Variants in TFDP2 observed in about 807,000 individuals in gnomAD.
TFDP2 encodes transcription factor Dp-2, also known as transcription factor Dp-2 (E2F dimerization partner 2).
A neutral mutation model predicts 59.3 loss-of-function variants in TFDP2; 17 were observed. The ratio of observed to expected loss-of-function variants is 0.29; its 90% CI spans 0.20 to 0.43. The LOEUF (loss-of-function observed/expected upper bound fraction) is 0.43. TFDP2 is among the 20% of genes least tolerant of loss of function. TFDP2 has a pLI of 1.00. For missense variants in TFDP2, 391 were observed against 528.8 expected, an observed-to-expected ratio of 0.74 and a Z score of 2.56; for synonymous variants, 180 against 194.7, an observed-to-expected ratio of 0.92 and a Z score of 0.63.
chr3:142,064,107 C>T (rs2060001497), intron 3 of TFDP2, among the ~76,000 whole-genome samples: 1 of 152,142 alleles, frequency 6.6e-6, no homozygotes, highest in South Asian at 2.1e-4. Flanking sequence ...GCCTGTGCCA[C>T]CACATCCAGG....
intron 3 of TFDP2, among the ~76,000 whole-genome samples, chr3:142,045,697 C>T (rs574401187): frequency 6.6e-6 from 1 of 151,412 alleles, no homozygotes; most frequent in South Asian, 2.1e-4. Flanking sequence ...ACTGCAACCT[C>T]CGCCTCCCGG....
At chr3:142,059,450 T>C (rs1351446362) in intron 3 of TFDP2, among the ~76,000 whole-genome samples, 1 of 152,264 alleles carries the variant, frequency 6.6e-6, no homozygotes, top group Non-Finnish European at 1.5e-5. Context: ...CTGTCTTTTC[T>C]AATACCACAC....
At chr3:142,131,441 G>T (rs568427213) in intron 1 of TFDP2, among the ~76,000 whole-genome samples, 4 of 150,226 alleles carry the variant, frequency 2.7e-5, no homozygotes, top group South Asian at 2.1e-4. Flanking sequence ...GAGTAACTCT[G>T]TAAGTTTGAT....
chr3:141,968,979 T>TG (rs1171508853), intron 9 of TFDP2, among the ~76,000 whole-genome samples: 3 of 101,252 alleles, frequency 3.0e-5, no homozygotes, highest in African/African-American at 1.2e-4. Flanking sequence ...CTCATATATA[T>TG]AGATATATAT....
chr3:142,010,996 T>C (rs1357068944), intron 3 of TFDP2, among the ~76,000 whole-genome samples: 1 of 104,216 alleles, frequency 9.6e-6, no homozygotes, highest in Non-Finnish European at 2.0e-5. Flanking sequence ...TTGGTGGGAC[T>C]GTAAACTGGT....
intron 5 of TFDP2, among the ~76,000 whole-genome samples, 161 bp from the exon 6 acceptor site, chr3:141,993,746 A>G (rs1281386120): frequency 1.3e-5 from 2 of 152,260 alleles, no homozygotes; most frequent in African/African-American, 2.4e-5. Flanking sequence ...TCTTAATTTT[A>G]TCATGTGAAC....
In TFDP2 at chr3:141,948,394, T is replaced by A. The variant is rs1935491615; in HGVS notation, c.*4119A>T. The A allele has an allele frequency of 6.6e-6, 1 of 151,856 alleles. No homozygotes were observed. Among genetic ancestry groups the A allele is most frequent in the Non-Finnish European group, 1.5e-5 (1 of 67,988 alleles). The allele number at this position is 151,856 out of a possible 1,614,324, so 9.4% of individuals were successfully genotyped here. On this transcript the variant is annotated 3_prime_UTR_variant, in exon 13 of 13. Transcript: ENST00000489671. ...CTGACTCTACTAAAAATACAAAAAA[T>A]TAGTCGGGTGTGGCGGCATGCGCCT...
chr3:141,945,205 T>G lies in TFDP2; in HGVS notation c.*7308A>C, dbSNP rs3762727. The stretch of plus-strand genomic sequence containing the variant: ...GTGCAAATGGCACGATCTCAGCTCA[T>G]TGCAACTTTTGCCTCCTGGGTTCAA... On this transcript the variant is annotated 3_prime_UTR_variant, in exon 13 of 13. Transcript: ENST00000489671. The G allele has an allele frequency of 0.64, 97,523 of 152,070 alleles. 32,541 individuals are homozygous for G. The highest frequency in any genetic ancestry group is 0.74 in the East Asian group (3,829 of 5,162). 9.4% of individuals were successfully genotyped at this position (152,070 alleles called of 1,614,324 possible). A position where few individuals can be genotyped will look rare whatever the true frequency, so the allele number is the denominator to read the frequency against.
Position 142,101,783 on chromosome 3 carries a change from C to A in TFDP2, c.-34G>T. The A allele has an allele frequency of 1.6e-6, 2 of 1,258,126 alleles. No individual in the cohort carries two copies. Among genetic ancestry groups the A allele is most frequent in the Middle Eastern group, 2.0e-4 (1 of 5,006 alleles). 77.9% of individuals were successfully genotyped at this position (1,258,126 alleles called of 1,614,324 possible). On this transcript the variant is annotated 5_prime_UTR_variant, in exon 2 of 13. Coordinates refer to ENST00000489671, the MANE Select transcript of TFDP2 (RefSeq NM_001178139.2). ...GTATTCTATTTAAGATTCTGTAAAG[C>A]CATTAAAAAAATAAAAAGAAAAAAA...
At chr3:142,082,247 A>G (rs2060662107) in intron 3 of TFDP2, among the ~76,000 whole-genome samples, 2 of 152,162 alleles carry the variant, frequency 1.3e-5, no homozygotes. Flanking sequence ...CGTCACCCCA[A>G]GATGGGACCA....
chr3:142,019,053 A>ATTTTTTTTTTTTTTTTTTTTTT (rs62999460), intron 3 of TFDP2, among the ~76,000 whole-genome samples: 1 of 140,316 alleles, frequency 7.1e-6, no homozygotes, highest in Non-Finnish European at 1.6e-5. Flanking sequence ...TTCTTCGCAC[A>ATTTTTTTTTTTTTTTTTTTTTT]TTTTTTTTTT....
intron 4 of TFDP2, among the ~76,000 whole-genome samples, chr3:142,002,778 C>T (rs1943906027): frequency 6.6e-6 from 1 of 152,098 alleles, no homozygotes; most frequent in Non-Finnish European, 1.5e-5. Context: ...TATGGCCACA[C>T]CCCAGTTCTT....
chr3:142,131,666 T>C (rs999636607), intron 1 of TFDP2, among the ~76,000 whole-genome samples: 2 of 150,036 alleles, frequency 1.3e-5, no homozygotes, highest in African/African-American at 5.0e-5. Context: ...GAATACTTAG[T>C]AATAAATGTA....
At chr3:142,042,940 C>T (rs957750548) in intron 3 of TFDP2, among the ~76,000 whole-genome samples, 9 of 151,648 alleles carry the variant, frequency 5.9e-5, no homozygotes, top group African/African-American at 2.2e-4. Flanking sequence ...CGGTTTTTCT[C>T]CTTGTTGGTA....
intron 1 of TFDP2, among the ~76,000 whole-genome samples, chr3:142,128,713 A>T (rs2062373354): frequency 6.6e-6 from 1 of 152,086 alleles, no homozygotes; most frequent in African/African-American, 2.4e-5. Flanking sequence ...GAGGGGAAGT[A>T]GAACAGAAGC....
At chr3:142,005,008 G>A (rs1393383737) in intron 4 of TFDP2, among the ~76,000 whole-genome samples, 3 of 152,138 alleles carry the variant, frequency 2.0e-5, no homozygotes, top group Non-Finnish European at 2.9e-5. Flanking sequence ...AAAACAGAAC[G>A]TTTTTTAAAA....
intron 9 of TFDP2, 56 bp downstream of exon 9, chr3:141,970,016 CA>C: frequency 6.5e-7 from 1 of 1,541,718 alleles, no homozygotes; most frequent in Non-Finnish European, 9.0e-7. Context: ...ACACTGACTC[CA>C]AAAGGCAGCA....
intron 9 of TFDP2, among the ~76,000 whole-genome samples, chr3:141,968,869 CAT>C (rs1174103860): frequency 0.011 from 771 of 67,798 alleles, 82 homozygotes; most frequent in Middle Eastern, 0.036. Context: ...ATATATATCT[CAT>C]ATATATAGAT....
intron 3 of TFDP2, among the ~76,000 whole-genome samples, chr3:142,067,779 G>C (rs1161114090): frequency 6.6e-6 from 1 of 152,122 alleles, no homozygotes; most frequent in Non-Finnish European, 1.5e-5. Context: ...AAGGCAGGAA[G>C]ATAGCTTGAG....
Sources: gnomAD v4.1 joint callset for allele counts (sites outside exome capture counted in the v4.1 genomes callset) on GRCh38, gnomAD v4.1.1 for gene constraint, MANE v1.5 for transcripts, NCBI Gene and HGNC (gene_info 2026-07-23, HGNC 2026-07-21) for gene names.